Variants in RMDN3 observed in about 807,000 individuals in gnomAD.
The protein encoded by RMDN3 is regulator of microtubule dynamics protein 3.
RMDN3 carries 41 observed loss-of-function variants against 61.8 expected under a neutral mutation model. The ratio of observed to expected loss-of-function variants is 0.66; its 90% CI spans 0.52 to 0.86. The LOEUF is 0.86. Among genes scored for constraint, RMDN3 ranks in the 40% least tolerant of loss-of-function variants. RMDN3 has a pLI of 0.00. For synonymous variants in RMDN3, 247 were observed against 232.0 expected (o/e 1.06, Z -0.59); for missense variants, 557 against 585.3 (o/e 0.95, Z 0.50).
intron 3 of RMDN3, 59 bp from the exon 4 acceptor site, chr15:40,751,628 G>C: frequency 6.2e-7 from 1 of 1,608,674 alleles, no homozygotes; most frequent in Non-Finnish European, 8.5e-7. Context: ...TTGTCTTTCT[G>C]CTCACCATGG....
intron 4 of RMDN3, among the ~76,000 whole-genome samples, chr15:40,750,684 CTGT>C (rs1255235602): frequency 6.6e-6 from 1 of 152,184 alleles, no homozygotes; most frequent in Non-Finnish European, 1.5e-5. Context: ...TAAAACTTGG[CTGT>C]TCTCTACACC....
chr15:40,752,426 A>C (rs963230459), intron 2 of RMDN3, among the ~76,000 whole-genome samples: 7 of 152,176 alleles, frequency 4.6e-5, no homozygotes, highest in East Asian at 1.9e-4. Flanking sequence ...ACACCACGAT[A>C]GATAATGTAA....
intron 7 of RMDN3, among the ~76,000 whole-genome samples, chr15:40,739,924 C>A (rs754134425): frequency 6.6e-6 from 1 of 152,138 alleles, no homozygotes; most frequent in Non-Finnish European, 1.5e-5. Context: ...TTGTATTCCC[C>A]GCTTGCCTCA....
At position 40,736,595 on chromosome 15, in the gene RMDN3, C is replaced by G. The variant is rs1262303025; in HGVS notation, c.1360-1G>C. On this transcript the variant is annotated splice_acceptor_variant, in intron 12 of 12. Coordinates refer to ENST00000338376, the MANE Select transcript of RMDN3 (RefSeq NM_018145.3). LOFTEE classifies it high-confidence loss of function. ...CCAGGTCCTTCTGGATAGCCAAATC[C>G]TAGGGAGACAAAGAACAAATCTAGG... The G allele has an allele frequency of 2.5e-6, 4 of 1,613,744 alleles. No homozygotes were observed. Among genetic ancestry groups the G allele is most frequent in the Non-Finnish European group, 3.4e-6 (4 of 1,179,756 alleles).
chr15:40,747,050 C>G (rs538042185), intron 4 of RMDN3, among the ~76,000 whole-genome samples: 1 of 152,328 alleles, frequency 6.6e-6, no homozygotes, highest in South Asian at 2.1e-4. Flanking sequence ...CTCTGCCCAG[C>G]CAGGCCCAAA....
At chr15:40,750,178 G>T (rs940643209) in intron 4 of RMDN3, among the ~76,000 whole-genome samples, 2 of 149,988 alleles carry the variant, frequency 1.3e-5, no homozygotes, top group Non-Finnish European at 3.0e-5. Flanking sequence ...CAAGTAGCTG[G>T]GACTACCGAC....
At position 40,752,039 on chromosome 15, in the gene RMDN3, C is replaced by T; in HGVS notation, c.327G>A (p.Glu109=). 1 of 1,614,246 alleles carries T rather than the reference C, an allele frequency of 6.2e-7. No homozygotes were observed. The highest frequency in any genetic ancestry group is 8.5e-7 in the Non-Finnish European group (1 of 1,180,032). Residue 109 remains glutamate, a synonymous_variant, in exon 3 of 13, where the codon GAG becomes GAA. Coordinates refer to ENST00000338376, the MANE Select transcript of RMDN3 (RefSeq NM_018145.3). ...TSLVALRREV[E]ELRSSLRGLA... is the part of the protein sequence containing the mutation. ...GCCCTCGCAGGCTGCTTCTCAGCTC[C>T]TCCACCTCCCGCCGCAGCGCCACAA...
intron 3 of RMDN3, 51 bp downstream of exon 3, chr15:40,751,935 T>TG: frequency 6.4e-7 from 1 of 1,570,962 alleles, no homozygotes; most frequent in Non-Finnish European, 8.7e-7. Flanking sequence ...ACACCCCAGC[T>TG]GAAAAGCTGC....
chr15:40,741,679 G>T (rs1897290536), intron 6 of RMDN3, among the ~76,000 whole-genome samples: 1 of 132,118 alleles, frequency 7.6e-6, no homozygotes. Context: ...GTCCAGGCTG[G>T]AGTGCAATAG....
chr15:40,736,750 T>A (rs1897066662), intron 12 of RMDN3, among the ~76,000 whole-genome samples, 156 bp from the exon 13 acceptor site: 1 of 152,176 alleles, frequency 6.6e-6, no homozygotes, highest in Non-Finnish European at 1.5e-5. Context: ...ATTAAATCTG[T>A]CTCTTCCCCT....
chr15:40,744,046 C>A lies in RMDN3; in HGVS notation c.910+1G>T, dbSNP rs772358523. 10 of 1,609,888 alleles carry A rather than the reference C, an allele frequency of 6.2e-6. No homozygotes were observed. Among genetic ancestry groups the A allele is most frequent in the Non-Finnish European group, 8.5e-6 (10 of 1,178,118 alleles). ...TCCCACAGGAAGCTGTCAGCACTTACCATCTAGGGCATATGACTTCTTCTC... is the reference window on the plus strand; with the variant it reads ...TCCCACAGGAAGCTGTCAGCACTTAACATCTAGGGCATATGACTTCTTCTC... On this transcript the variant is annotated splice_donor_variant, in intron 6 of 12. Transcript: ENST00000338376. LOFTEE classifies it high-confidence loss of function.
Position 40,754,586 on chromosome 15 carries a change from C to T in RMDN3, c.187+11G>A, listed in dbSNP as rs756843822. ...CTGCAGTGACCGCGGTCTCAGGAGA[C>T]GGGCTCCTACCGTGGCGTCCGGGAT... On this transcript the variant is annotated intron_variant, in intron 2 of 12. Coordinates refer to ENST00000338376, the MANE Select transcript of RMDN3 (RefSeq NM_018145.3). The T allele has an allele frequency of 8.1e-6, 13 of 1,604,688 alleles. No homozygotes were observed. In the East Asian group the frequency reaches 2.5e-4, roughly 30 times the overall value.
intron 4 of RMDN3, among the ~76,000 whole-genome samples, 153 bp from the exon 5 acceptor site, chr15:40,745,412 CTTTTTT>C (rs376519039): frequency 7.7e-6 from 1 of 130,314 alleles, no homozygotes; most frequent in African/African-American, 2.9e-5. Context: ...GACTTTTTTT[CTTTTTT>C]TTTTTTTTTT....
intron 6 of RMDN3, 41 bp downstream of exon 6, chr15:40,744,006 A>C: frequency 6.4e-7 from 1 of 1,550,488 alleles, no homozygotes; most frequent in Middle Eastern, 1.7e-4. Flanking sequence ...CCACCCCTGA[A>C]TCAGTCAGTC....
At chr15:40,739,150 T>C (rs1596040341) in intron 7 of RMDN3, 1 of 149,566 alleles carries the variant, frequency 6.7e-6, no homozygotes, top group East Asian at 2.0e-4. Flanking sequence ...ACATCCCCCC[T>C]CCCAAAGGGA....
chr15:40,737,139 T>C lies in RMDN3; in HGVS notation c.1344A>G (p.Pro448=), dbSNP rs370846680. Residue 448 remains proline (P), a synonymous_variant, in exon 12 of 13, where the codon CCA becomes CCG. Coordinates refer to ENST00000338376, the MANE Select transcript of RMDN3 (RefSeq NM_018145.3). ...RWWMKLALEL[P]DVTKEDLAIQ... is the part of the protein sequence containing the mutation. Reference sequence around the variant, plus strand: ...AAAGCCTTACCTCCTTCGTGACATCTGGCAGCTCCAGGGCCAACTTCATCC... The same window carrying C: ...AAAGCCTTACCTCCTTCGTGACATCCGGCAGCTCCAGGGCCAACTTCATCC... 30 of 1,614,066 alleles carry C rather than the reference T, an allele frequency of 1.9e-5. No individual in the cohort carries two copies. In the African/African-American group the frequency reaches 3.2e-4, roughly 17 times the overall value.
chr15:40,736,515 A>G lies in RMDN3; in HGVS notation c.*26T>C, dbSNP rs781336679. On this transcript the variant is annotated 3_prime_UTR_variant, in exon 13 of 13. Coordinates refer to ENST00000338376, the MANE Select transcript of RMDN3 (RefSeq NM_018145.3). ...CCCCCCCACCTTAAATAGTGGCATC[A>G]AGTCATGAAGGCCAGTGAAACGTGG... 6.2e-7 allele frequency: 1 copy of G among 1,610,370 alleles called. No individual in the cohort carries two copies. Among genetic ancestry groups the G allele is most frequent in the East Asian group, 2.2e-5 (1 of 44,858 alleles).
chr15:40,737,284 TTACCTTGGAAATA>T lies in RMDN3; in HGVS notation c.1269_1278+3del, dbSNP rs1897093580. The T allele has an allele frequency of 1.2e-6, 2 of 1,613,766 alleles. No homozygotes were observed. The highest frequency in any genetic ancestry group is 2.7e-5 in the African/African-American group (2 of 74,916). ...TCTATGTTGAAGTAGACAAATGAGT[TTACCTTGGAAATA>T]TATACCCTTCCTGCTTTGGAAAATC... On this transcript the variant is annotated splice_donor_variant and splice_donor_region_variant and coding_sequence_variant and intron_variant, in exon 11 of 13. Transcript: ENST00000338376. LOFTEE classifies it high-confidence loss of function.
chr15:40,737,764 A>G, intron 9 of RMDN3, 38 bp from the exon 10 acceptor site: 3 of 1,595,744 alleles, frequency 1.9e-6, no homozygotes, highest in Non-Finnish European at 2.6e-6. Context: ...AAGAGGTTTT[A>G]AAAGGTTTTT....
Sources: allele counts gnomAD v4.1 joint callset (sites outside exome capture counted in the v4.1 genomes callset), GRCh38; gene constraint gnomAD v4.1.1; transcripts MANE v1.5; gene names NCBI Gene and HGNC (gene_info 2026-07-23, HGNC 2026-07-21).